ARNT2: variants seen among roughly 807,000 people sequenced by gnomAD.
The protein encoded by ARNT2 is aryl hydrocarbon receptor nuclear translocator 2.
Under a neutral mutation model 91.7 loss-of-function variants are expected in ARNT2, and 36 were observed. The ratio of observed to expected loss-of-function variants is 0.39; its 90% CI spans 0.30 to 0.52. The LOEUF (loss-of-function observed/expected upper bound fraction) is 0.52, where lower values mean the gene tolerates loss of function less well. ARNT2 is among the 20% of genes least tolerant of loss of function. The probability of loss-of-function intolerance (pLI) is 0.72; values close to 1 mark genes in which losing one functional copy is unlikely to be tolerated. For synonymous variants in ARNT2, 365 were observed against 347.1 expected (o/e 1.05, Z -0.57); for missense variants, 775 against 939.3 (o/e 0.83, Z 2.29).
intron 8 of ARNT2, among the ~76,000 whole-genome samples, chr15:80,542,890 C>T (rs1007595689): frequency 2.0e-5 from 3 of 151,864 alleles, no homozygotes; most frequent in East Asian, 1.9e-4. Context: ...ATGGCAAAAG[C>T]GCATTTGTGC....
intron 5 of ARNT2, among the ~76,000 whole-genome samples, chr15:80,494,844 C>T (rs989867734): frequency 3.3e-5 from 5 of 152,288 alleles, no homozygotes; most frequent in African/African-American, 1.2e-4. Flanking sequence ...CTTTTCATTG[C>T]TCATGAGATG....
At chr15:80,570,593 C>T (rs1898566812) in intron 12 of ARNT2, among the ~76,000 whole-genome samples, 1 of 152,144 alleles carries the variant, frequency 6.6e-6, no homozygotes, top group Non-Finnish European at 1.5e-5. Context: ...GCTGGTCTAA[C>T]AAGTGTGGGC....
At chr15:80,473,184 G>T (rs140370442) in intron 4 of ARNT2, among the ~76,000 whole-genome samples, 1 of 152,278 alleles carries the variant, frequency 6.6e-6, no homozygotes, top group East Asian at 1.9e-4. Flanking sequence ...GTGGGAGAGC[G>T]GTAGGTGATA....
intron 5 of ARNT2, among the ~76,000 whole-genome samples, chr15:80,479,483 A>G (rs895678427): frequency 3.9e-5 from 6 of 152,160 alleles, no homozygotes; most frequent in African/African-American, 1.4e-4. Flanking sequence ...CTAGTGGAAA[A>G]GTGCTGGAAA....
chr15:80,428,477 A>G (rs533210840), intron 1 of ARNT2, among the ~76,000 whole-genome samples: 4 of 152,170 alleles, frequency 2.6e-5, no homozygotes, highest in Non-Finnish European at 5.9e-5. Flanking sequence ...CAAACCTTAC[A>G]CAGTAATTGT....
intron 12 of ARNT2, among the ~76,000 whole-genome samples, chr15:80,565,788 CA>C (rs1279418765): frequency 6.6e-6 from 1 of 151,980 alleles, no homozygotes; most frequent in Non-Finnish European, 1.5e-5. Context: ...ATGTCTTTGT[CA>C]AATGCATAGT....
At position 80,597,278 on chromosome 15, in the gene ARNT2, C is replaced by T. The variant is rs370453522; in HGVS notation, c.*3580C>T. On this transcript the variant is annotated 3_prime_UTR_variant, in exon 19 of 19. Coordinates refer to ENST00000303329, the MANE Select transcript of ARNT2 (RefSeq NM_014862.4). ...GAGAATGTGAACGCTCACCTTGCTC[C>T]GTCACGGTTCTGACCTACCACATAA... The T allele has an allele frequency of 1.1e-4, 55 of 518,400 alleles. No homozygotes were observed. The highest frequency in any genetic ancestry group is 5.0e-4 in the African/African-American group (26 of 51,762). 32.1% of individuals were successfully genotyped at this position (518,400 alleles called of 1,614,324 possible). A position where few individuals can be genotyped will look rare whatever the true frequency, so the allele number is the denominator to read the frequency against.
intron 5 of ARNT2, among the ~76,000 whole-genome samples, chr15:80,491,034 A>T (rs1014254083): frequency 6.6e-6 from 1 of 152,114 alleles, no homozygotes; most frequent in African/African-American, 2.4e-5. Flanking sequence ...AAATGGAAGG[A>T]CATGAATGGG....
intron 1 of ARNT2, among the ~76,000 whole-genome samples, chr15:80,429,787 C>G (rs1177357348): frequency 1.3e-5 from 2 of 152,082 alleles, no homozygotes; most frequent in African/African-American, 4.8e-5. Flanking sequence ...CAGTTGGTGT[C>G]TGGAGAGGTG....
intron 8 of ARNT2, among the ~76,000 whole-genome samples, chr15:80,527,570 T>A (rs1897658363): frequency 6.6e-6 from 1 of 152,258 alleles, no homozygotes; most frequent in African/African-American, 2.4e-5. Context: ...AGTTTTCATT[T>A]GCAAATGATC....
At chr15:80,587,153 C>T (rs77979399) in intron 17 of ARNT2, among the ~76,000 whole-genome samples, 1,566 of 152,284 alleles carry the variant, frequency 0.01, 9 homozygotes, top group African/African-American at 0.017. Flanking sequence ...CTGTAAGGTG[C>T]GTTTTTCTTC....
chr15:80,542,247 G>C (rs1897919454), intron 8 of ARNT2, among the ~76,000 whole-genome samples: 1 of 152,138 alleles, frequency 6.6e-6, no homozygotes, highest in Non-Finnish European at 1.5e-5. Flanking sequence ...TGTAAAGCCA[G>C]CTTGTTATTT....
chr15:80,490,217 T>G (rs892294028), intron 5 of ARNT2, among the ~76,000 whole-genome samples: 4 of 152,104 alleles, frequency 2.6e-5, no homozygotes, highest in African/African-American at 9.7e-5. Context: ...GGACAAAGCC[T>G]GGGAGAGTAA....
At chr15:80,406,952 G>A (rs1895609586) in intron 1 of ARNT2, among the ~76,000 whole-genome samples, 1 of 152,092 alleles carries the variant, frequency 6.6e-6, no homozygotes, top group Admixed American at 6.5e-5. Flanking sequence ...CATGGCTCAG[G>A]GTTTGAGCCA....
intron 2 of ARNT2, among the ~76,000 whole-genome samples, chr15:80,451,959 G>T (rs891216475): frequency 1.2e-4 from 18 of 152,234 alleles, no homozygotes; most frequent in African/African-American, 4.1e-4. Flanking sequence ...CCTTGGGAAT[G>T]CAACTGTCTG....
chr15:80,521,030 A>T (rs1448490761), intron 8 of ARNT2, among the ~76,000 whole-genome samples: 4 of 152,196 alleles, frequency 2.6e-5, no homozygotes, highest in Non-Finnish European at 5.9e-5. Context: ...AATTGCTGAA[A>T]ATACAAATCC....
chr15:80,519,510 C>T (rs929826560), intron 8 of ARNT2, among the ~76,000 whole-genome samples: 2 of 152,120 alleles, frequency 1.3e-5, no homozygotes. Flanking sequence ...ATCAGATATG[C>T]TTTTGTGTCA....
chr15:80,519,623 G>A (rs1897500736), intron 8 of ARNT2, among the ~76,000 whole-genome samples: 1 of 151,834 alleles, frequency 6.6e-6, no homozygotes, highest in South Asian at 2.1e-4. Context: ...AACTGTTTTA[G>A]GGTAAAGATT....
chr15:80,424,880 A>G (rs1895911397), intron 1 of ARNT2, among the ~76,000 whole-genome samples: 1 of 152,168 alleles, frequency 6.6e-6, no homozygotes, highest in Non-Finnish European at 1.5e-5. Context: ...TGAAGACAGT[A>G]AAGTGGGGCT....
Sources: gnomAD v4.1 joint callset for allele counts (sites outside exome capture counted in the v4.1 genomes callset) on GRCh38, gnomAD v4.1.1 for gene constraint, MANE v1.5 for transcripts, NCBI Gene and HGNC (gene_info 2026-07-23, HGNC 2026-07-21) for gene names.